The following INSR variants were observed in gnomAD, a reference collection of about 807,000 sequenced individuals.
INSR encodes insulin receptor.
Under a neutral mutation model 142.6 loss-of-function variants are expected in INSR, and 67 were observed. The ratio of observed to expected loss-of-function variants is 0.47; its 90% CI spans 0.39 to 0.58. The LOEUF (loss-of-function observed/expected upper bound fraction) is 0.58, where lower values mean the gene tolerates loss of function less well. Ranked by LOEUF, INSR falls within the 20% of genes least tolerant of loss-of-function variation. INSR has a pLI of 0.00. For missense variants in INSR, 1,248 were observed against 1,833.2 expected (o/e 0.68, Z 5.83); for synonymous variants, 756 against 743.1 (o/e 1.02, Z -0.28).
At chr19:7,239,875 T>C (rs1421696951) in intron 2 of INSR, among the ~76,000 whole-genome samples, 1 of 152,080 alleles carries the variant, frequency 6.6e-6, no homozygotes, top group Non-Finnish European at 1.5e-5. Flanking sequence ...GTGTAGCAAT[T>C]GGAATCACAA....
chr19:7,220,410 T>C (rs1975576774), intron 2 of INSR, among the ~76,000 whole-genome samples: 1 of 152,174 alleles, frequency 6.6e-6, no homozygotes, highest in South Asian at 2.1e-4. Flanking sequence ...CCTGCCTCAG[T>C]TTCCCGAGGA....
At chr19:7,200,859 C>CAA (rs59770137) in intron 2 of INSR, among the ~76,000 whole-genome samples, 1,599 of 76,084 alleles carry the variant, frequency 0.021, 73 homozygotes, top group African/African-American at 0.078. Flanking sequence ...GACCTTATCT[C>CAA]AAAAAAAAAA....
intron 2 of INSR, among the ~76,000 whole-genome samples, chr19:7,201,517 C>T (rs867652259): frequency 2.0e-5 from 3 of 151,010 alleles, no homozygotes; most frequent in East Asian, 2.0e-4. Flanking sequence ...CCCAGCTACT[C>T]GGGAGGCTGA....
chr19:7,243,595 G>A (rs549958705), intron 2 of INSR, among the ~76,000 whole-genome samples: 3 of 151,960 alleles, frequency 2.0e-5, no homozygotes, highest in African/African-American at 7.3e-5. Flanking sequence ...AAAAGTTATG[G>A]CACCATAAAA....
At chr19:7,148,089 T>C (rs531374236) in intron 11 of INSR, among the ~76,000 whole-genome samples, 3 of 152,160 alleles carry the variant, frequency 2.0e-5, no homozygotes, top group Non-Finnish European at 4.4e-5. Context: ...AATTTTTGTA[T>C]TTTTAGTAGA....
chr19:7,120,887 A>G, intron 19 of INSR, 138 bp from the exon 20 acceptor site: 1 of 1,016,594 alleles, frequency 9.8e-7, no homozygotes, highest in Non-Finnish European at 1.5e-6. Flanking sequence ...GTGGTGGCCA[A>G]ATCCAGTAAG....
At chr19:7,240,456 C>T (rs181089036) in intron 2 of INSR, among the ~76,000 whole-genome samples, 1 of 152,190 alleles carries the variant, frequency 6.6e-6, no homozygotes, top group East Asian at 1.9e-4. Flanking sequence ...GTGGTGCACA[C>T]CTGTAATCTG....
chr19:7,262,334 T>G (rs1482551228), intron 2 of INSR, among the ~76,000 whole-genome samples: 2 of 152,068 alleles, frequency 1.3e-5, no homozygotes, highest in Non-Finnish European at 2.9e-5. Flanking sequence ...TAACTGGGCG[T>G]GGTGGCAGGT....
intron 2 of INSR, among the ~76,000 whole-genome samples, chr19:7,223,950 A>T (rs1186744460): frequency 2.0e-5 from 3 of 148,168 alleles, no homozygotes; most frequent in East Asian, 4.0e-4. Context: ...ACAAAAAAAA[A>T]TTTTTTTTTT....
intron 20 of INSR, 133 bp downstream of exon 20, chr19:7,120,486 TA>T: frequency 1.9e-6 from 2 of 1,048,854 alleles, no homozygotes; most frequent in Non-Finnish European, 2.9e-6. Context: ...GGGAAGATCC[TA>T]AGACAGGACG....
intron 2 of INSR, among the ~76,000 whole-genome samples, chr19:7,198,404 G>A (rs1161498607): frequency 6.6e-6 from 1 of 152,150 alleles, no homozygotes; most frequent in Non-Finnish European, 1.5e-5. Context: ...TGCCACGGAT[G>A]GAACTTTGGA....
At chr19:7,144,743 C>A (rs1341813960) in intron 11 of INSR, among the ~76,000 whole-genome samples, 1 of 148,920 alleles carries the variant, frequency 6.7e-6, no homozygotes, top group Non-Finnish European at 1.5e-5. Flanking sequence ...TTCCTTTGAT[C>A]ATTGTCTGAT....
intron 2 of INSR, among the ~76,000 whole-genome samples, chr19:7,228,703 G>C (rs1185943147): frequency 6.6e-6 from 1 of 152,218 alleles, no homozygotes; most frequent in South Asian, 2.1e-4. Context: ...ATTTAATAAG[G>C]TAGCAGTAAG....
In INSR at chr19:7,128,917, G is replaced by T; in HGVS notation, c.2880C>A (p.Gly960=). Residue 960 remains glycine, a synonymous_variant, in exon 15 of 22, where the codon GGC becomes GGA. Coordinates refer to ENST00000302850, the MANE Select transcript of INSR (RefSeq NM_000208.4). ...TGAAGAGAAAGACAAAGATGAGGGG[G>T]CCGATGATAATTTTTGCAATATTTG... ...VPSNIAKIII[G]PLIFVFLFSV... is the part of the protein sequence containing the mutation. 1 of 1,613,868 alleles carries T rather than the reference G, an allele frequency of 6.2e-7. No individual in the cohort carries two copies.
chr19:7,286,126 C>T (rs1968339357), intron 1 of INSR, among the ~76,000 whole-genome samples: 1 of 151,788 alleles, frequency 6.6e-6, no homozygotes, highest in Admixed American at 6.6e-5. Flanking sequence ...ACCACAGGTG[C>T]TCACCACTGT....
At chr19:7,122,377 A>G (rs1193524663) in intron 19 of INSR, among the ~76,000 whole-genome samples, 1 of 149,062 alleles carries the variant, frequency 6.7e-6, no homozygotes, top group Non-Finnish European at 1.5e-5. Flanking sequence ...TGGGAGGTGG[A>G]GGTTGCAGTG....
At chr19:7,124,732 G>C (rs1326908117) in intron 17 of INSR, among the ~76,000 whole-genome samples, 1 of 148,018 alleles carries the variant, frequency 6.8e-6, no homozygotes, top group African/African-American at 2.5e-5. Flanking sequence ...ACAGGGACAA[G>C]AGCAGGGCTT....
At position 7,184,582 on chromosome 19, in the gene INSR, G is replaced by A; in HGVS notation, c.708C>T (p.His236=). ...GAGAACAGTTGCCCAGGCACTCGCT[G>A]TGGCAACAGAGGCCTTCGGCGGTGC... ...HGCTAEGLCC[H]SECLGNCSQP... is the part of the protein sequence containing the mutation. The change falls in exon 3 of 22, where the codon CAC becomes CAT. Residue 236 remains histidine (H), a synonymous_variant. Transcript: ENST00000302850. 2 of 1,613,666 alleles carry A rather than the reference G, an allele frequency of 1.2e-6. No individual in the cohort carries two copies. Among genetic ancestry groups the A allele is most frequent in the Non-Finnish European group, 1.7e-6 (2 of 1,179,996 alleles).
intron 2 of INSR, among the ~76,000 whole-genome samples, chr19:7,190,651 T>G (rs1280148934): frequency 1.3e-5 from 2 of 152,138 alleles, no homozygotes; most frequent in Non-Finnish European, 2.9e-5. Flanking sequence ...ATTACAGGCG[T>G]GAGCCACCGC....
Sources: gnomAD v4.1 joint callset for allele counts (sites outside exome capture counted in the v4.1 genomes callset) on GRCh38, gnomAD v4.1.1 for gene constraint, MANE v1.5 for transcripts, NCBI Gene and HGNC (gene_info 2026-07-23, HGNC 2026-07-21) for gene names.